CLRN1: variants seen among roughly 807,000 people sequenced by gnomAD.
CLRN1 encodes the protein clarin 1.
Under a neutral mutation model 18.7 loss-of-function variants are expected in CLRN1, and 15 were observed. That is an observed-to-expected ratio of 0.80 (90% confidence interval 0.54 to 1.23). The LOEUF is 1.23. Among genes scored for constraint, CLRN1 ranks in the 50% most tolerant of loss-of-function variants. The pLI, the probability that CLRN1 is intolerant of heterozygous loss-of-function variation, is 0.00. For synonymous variants in CLRN1, 104 were observed against 102.9 expected, an observed-to-expected ratio of 1.01 and a Z score of -0.07; for missense variants, 311 against 277.5, an observed-to-expected ratio of 1.12 and a Z score of -0.86.
intron 1 of CLRN1, among the ~76,000 whole-genome samples, chr3:150,951,183 CTG>C (rs1254353057): frequency 1.3e-5 from 2 of 151,982 alleles, no homozygotes; most frequent in African/African-American, 4.8e-5. Flanking sequence ...AGGAAAGAAT[CTG>C]TACAACAAAT....
At chr3:150,931,191 A>G (rs1452605870) in intron 2 of CLRN1, among the ~76,000 whole-genome samples, 1 of 152,212 alleles carries the variant, frequency 6.6e-6, no homozygotes, top group East Asian at 1.9e-4. Flanking sequence ...ACTATTTATG[A>G]CTTATGGACC....
At chr3:150,935,971 C>T (rs985956682) in intron 2 of CLRN1, among the ~76,000 whole-genome samples, 12 of 151,784 alleles carry the variant, frequency 7.9e-5, no homozygotes, top group African/African-American at 2.9e-4. Flanking sequence ...TCATGTCCTT[C>T]ACCCACTTTT....
At chr3:150,967,419 A>C (rs1037326601) in intron 1 of CLRN1, among the ~76,000 whole-genome samples, 1 of 151,832 alleles carries the variant, frequency 6.6e-6, no homozygotes, top group Non-Finnish European at 1.5e-5. Flanking sequence ...GGTAAACAAA[A>C]CCTCTATTTG....
chr3:150,952,244 T>A (rs1053512371), intron 1 of CLRN1, among the ~76,000 whole-genome samples: 2 of 151,996 alleles, frequency 1.3e-5, no homozygotes, highest in African/African-American at 4.8e-5. Context: ...GCACTTTGAG[T>A]TTTGAATTTT....
At chr3:150,954,238 T>C (rs945386310) in intron 1 of CLRN1, among the ~76,000 whole-genome samples, 1 of 152,210 alleles carries the variant, frequency 6.6e-6, no homozygotes, top group Middle Eastern at 3.2e-3. Flanking sequence ...GCTGTACCAT[T>C]CACCTTCCCA....
chr3:150,960,298 G>T (rs530645734), intron 1 of CLRN1, among the ~76,000 whole-genome samples: 1 of 152,082 alleles, frequency 6.6e-6, no homozygotes, highest in South Asian at 2.1e-4. Context: ...TATTTCCCCC[G>T]AAAAGAGTGG....
intron 2 of CLRN1, among the ~76,000 whole-genome samples, chr3:150,938,394 T>C (rs955029845): frequency 1.3e-5 from 2 of 152,220 alleles, no homozygotes; most frequent in East Asian, 1.9e-4. Flanking sequence ...CCTTACACAA[T>C]TGGGTCTTAG....
intron 1 of CLRN1, 111 bp downstream of exon 1, chr3:150,972,345 G>T: frequency 7.2e-7 from 1 of 1,393,300 alleles, no homozygotes; most frequent in South Asian, 1.2e-5. Flanking sequence ...GGTTCACACC[G>T]ATTTAAAAAG....
intron 2 of CLRN1, among the ~76,000 whole-genome samples, chr3:150,930,933 C>A (rs1265117376): frequency 2.6e-5 from 4 of 152,194 alleles, no homozygotes; most frequent in Admixed American, 1.3e-4. Flanking sequence ...ATATTTCAAG[C>A]ACACAGCCCC....
rs183895776 is a variant in CLRN1 at position 150,965,580 on chromosome 3, C to T, written c.253+6876G>A. Among the ~76,000 whole-genome samples, 112 of 152,236 alleles carry T rather than the reference C, an allele frequency of 7.4e-4. 2 individuals carry two copies. Among genetic ancestry groups the T allele is most frequent in the Admixed American group, 6.7e-3 (102 of 15,296 alleles). On this transcript the variant is annotated intron_variant, in intron 1 of 2. Transcript: ENST00000327047. ...GTCCTTGGGGAAGATGAGTCACCTT[C>T]AGAAATTAGAAAAGAAAGCAGAGCA...
chr3:150,942,247 G>A (rs1713896867), intron 1 of CLRN1, among the ~76,000 whole-genome samples: 1 of 152,078 alleles, frequency 6.6e-6, no homozygotes, highest in Non-Finnish European at 1.5e-5. Context: ...AAAGAATGGA[G>A]ATATTTTCAG....
rs1418336249 is a variant in CLRN1 at position 150,926,591 on chromosome 3, T to C, written c.*1345A>G. ...CAGCATCTGGAAACTCGGTGTGTTC[T>C]GATGTCTGCTGGCGAATAGCGAATT... On this transcript the variant is annotated 3_prime_UTR_variant, in exon 3 of 3. Coordinates refer to ENST00000327047, the MANE Select transcript of CLRN1 (RefSeq NM_174878.3). 2 of 663,060 alleles carry C rather than the reference T, an allele frequency of 3.0e-6. No homozygotes were observed. Among genetic ancestry groups the C allele is most frequent in the African/African-American group, 3.6e-5 (2 of 56,168 alleles). The allele number at this position is 663,060 out of a possible 1,614,324, so 41.1% of individuals were successfully genotyped here. A position where few individuals can be genotyped will look rare whatever the true frequency, so the allele number is the denominator to read the frequency against.
chr3:150,935,612 C>T (rs967765474), intron 2 of CLRN1, among the ~76,000 whole-genome samples: 7 of 150,298 alleles, frequency 4.7e-5, no homozygotes, highest in Non-Finnish European at 1.0e-4. Context: ...CATACATGTG[C>T]ATGTGTCTTT....
chr3:150,937,308 C>A (rs1424346381), intron 2 of CLRN1, among the ~76,000 whole-genome samples: 1 of 152,178 alleles, frequency 6.6e-6, no homozygotes, highest in African/African-American at 2.4e-5. Context: ...TGTGGGATCA[C>A]CAGTGCCTAT....
Position 150,941,673 on chromosome 3 carries a change from C to T in CLRN1, c.342G>A (p.Val114=). ...FSAILIVLTM[V]GTAFFMYNAF... ...CATTGTACATGAAGAAGGCTGTCCC[C>T]ACCATGGTTAACACAATAAGGATGG... is the stretch of plus-strand genomic sequence containing the variant. The change falls in exon 2 of 3, where the codon GTG becomes GTA. Residue 114 remains valine (V), a synonymous_variant. Transcript: ENST00000327047. 6.2e-7 allele frequency: 1 copy of T among 1,614,012 alleles called. No individual in the cohort carries two copies. The highest frequency in any genetic ancestry group is 1.1e-5 in the South Asian group (1 of 91,068).
chr3:150,960,038 C>T (rs781054550), intron 1 of CLRN1, among the ~76,000 whole-genome samples: 17 of 152,082 alleles, frequency 1.1e-4, no homozygotes, highest in Non-Finnish European at 1.5e-4. Flanking sequence ...ATTAACTGAG[C>T]GGCAGCATGG....
chr3:150,926,790 T>A lies in CLRN1; in HGVS notation c.*1146A>T, dbSNP rs1319828358. On this transcript the variant is annotated 3_prime_UTR_variant, in exon 3 of 3. Transcript: ENST00000327047. Reference sequence around the variant, plus strand: ...TGATCTGTTTGCTGTCATTCTCTGCTTTTTCCTTGGTGCTTTCTGGAGGAC... The same window carrying A: ...TGATCTGTTTGCTGTCATTCTCTGCATTTTCCTTGGTGCTTTCTGGAGGAC... 1 of 1,613,836 alleles carries A rather than the reference T, an allele frequency of 6.2e-7. No individual in the cohort carries two copies. Among genetic ancestry groups the A allele is most frequent in the Admixed American group, 1.7e-5 (1 of 60,018 alleles).
intron 1 of CLRN1, among the ~76,000 whole-genome samples, chr3:150,955,963 C>T (rs1258087029): frequency 2.6e-5 from 4 of 152,130 alleles, no homozygotes; most frequent in African/African-American, 9.7e-5. Context: ...CTCACTATTT[C>T]CTATATTACT....
intron 1 of CLRN1, among the ~76,000 whole-genome samples, chr3:150,942,150 T>C (rs1713889303): frequency 6.6e-6 from 1 of 152,220 alleles, no homozygotes; most frequent in South Asian, 2.1e-4. Context: ...TTTGGAGATA[T>C]CTGGGGATAT....
Sources: allele counts gnomAD v4.1 joint callset (sites outside exome capture counted in the v4.1 genomes callset), GRCh38; gene constraint gnomAD v4.1.1; transcripts MANE v1.5; gene names NCBI Gene and HGNC (gene_info 2026-07-23, HGNC 2026-07-21).